The following CSMD1 variants were observed in gnomAD, a reference collection of about 807,000 sequenced individuals.
CSMD1 encodes the protein CUB and Sushi multiple domains 1.
A neutral mutation model predicts 417.5 loss-of-function variants in CSMD1; 213 were observed. The observed-to-expected ratio is 0.51, with a 90% CI of 0.46 to 0.57. The LOEUF (loss-of-function observed/expected upper bound fraction) is 0.57, where lower values mean the gene tolerates loss of function less well. Among genes scored for constraint, CSMD1 ranks in the 20% least tolerant of loss-of-function variants. The pLI is 0.00. For synonymous variants in CSMD1, 2,862 were observed against 1,736.8 expected (o/e 1.65, Z -16.11); for missense variants, 6,923 against 4,529.7 (o/e 1.53, Z -15.17).
intron 42 of CSMD1, among the ~76,000 whole-genome samples, chr8:3,114,666 G>C (rs376469845): frequency 6.6e-6 from 1 of 151,988 alleles, no homozygotes; most frequent in South Asian, 2.1e-4. Flanking sequence ...GACTGTATTT[G>C]TGAATGCAGG....
intron 5 of CSMD1, among the ~76,000 whole-genome samples, chr8:3,767,607 T>A (rs762166450): frequency 3.3e-5 from 5 of 152,234 alleles, no homozygotes; most frequent in Non-Finnish European, 5.9e-5. Context: ...CTCTCAACTA[T>A]GTTTTATATC....
intron 3 of CSMD1, among the ~76,000 whole-genome samples, chr8:4,245,820 G>C (rs1164561526): frequency 6.6e-6 from 1 of 152,068 alleles, no homozygotes; most frequent in African/African-American, 2.4e-5. Context: ...TTATTGACAA[G>C]TGTGCACAAT....
intron 54 of CSMD1, among the ~76,000 whole-genome samples, chr8:2,995,866 G>C (rs983362323): frequency 1.3e-5 from 2 of 152,210 alleles, no homozygotes; most frequent in Non-Finnish European, 2.9e-5. Context: ...CAGAGAAGTG[G>C]AGACCAGGTT....
At chr8:3,625,071 GTT>G (rs11371258) in intron 7 of CSMD1, among the ~76,000 whole-genome samples, 2 of 150,358 alleles carry the variant, frequency 1.3e-5, no homozygotes, top group Non-Finnish European at 3.0e-5. Context: ...ATGCATAACA[GTT>G]TTTTTTTTAT....
chr8:4,387,090 T>C (rs1445119922), intron 3 of CSMD1, among the ~76,000 whole-genome samples: 4 of 152,094 alleles, frequency 2.6e-5, no homozygotes, highest in Non-Finnish European at 5.9e-5. Flanking sequence ...CAAAAGCCAA[T>C]TAATAGAGTT....
intron 2 of CSMD1, among the ~76,000 whole-genome samples, chr8:4,438,841 G>T (rs972966282): frequency 6.6e-6 from 1 of 152,174 alleles, no homozygotes; most frequent in East Asian, 1.9e-4. Context: ...ATTGAAAGGT[G>T]TATTATCTGA....
At chr8:4,048,618 G>A (rs1165594330) in intron 3 of CSMD1, among the ~76,000 whole-genome samples, 1 of 152,166 alleles carries the variant, frequency 6.6e-6, no homozygotes, top group Non-Finnish European at 1.5e-5. Context: ...CACCAAACAG[G>A]TAATTCTTAA....
chr8:3,974,405 TA>T (rs1424589048), intron 5 of CSMD1, among the ~76,000 whole-genome samples: 2 of 152,056 alleles, frequency 1.3e-5, no homozygotes, highest in African/African-American at 2.4e-5. Flanking sequence ...CATGTATTTT[TA>T]TTTTCACTTC....
chr8:3,381,443 C>A (rs1431103222), intron 18 of CSMD1, among the ~76,000 whole-genome samples: 5 of 152,112 alleles, frequency 3.3e-5, no homozygotes, highest in Non-Finnish European at 7.3e-5. Flanking sequence ...TTAACTTATT[C>A]TATTGCAAAT....
chr8:4,427,153 C>G (rs1003906285), intron 2 of CSMD1, among the ~76,000 whole-genome samples: 4 of 152,042 alleles, frequency 2.6e-5, no homozygotes, highest in African/African-American at 9.7e-5. Flanking sequence ...GTGGTGAGGA[C>G]AGAATCTACA....
intron 3 of CSMD1, among the ~76,000 whole-genome samples, chr8:4,331,820 A>G (rs1799884703): frequency 1.3e-5 from 2 of 152,276 alleles, no homozygotes; most frequent in South Asian, 4.1e-4. Flanking sequence ...CTCCAAGCAA[A>G]TAATTATTAC....
chr8:2,994,082 G>A (rs914493374), intron 54 of CSMD1, among the ~76,000 whole-genome samples: 5 of 127,012 alleles, frequency 3.9e-5, no homozygotes, highest in Non-Finnish European at 6.3e-5. Context: ...GGAGGCGGAA[G>A]TTGCAGTGAG....
At chr8:3,416,553 G>T (rs270090) in intron 12 of CSMD1, among the ~76,000 whole-genome samples, 138,224 of 152,232 alleles carry the variant, frequency 0.91, 62,880 homozygotes, top group Middle Eastern at 0.95. Context: ...TAACTGTGCC[G>T]TCAGAAGCAT....
At chr8:4,312,472 T>C (rs1465171681) in intron 3 of CSMD1, among the ~76,000 whole-genome samples, 2 of 149,772 alleles carry the variant, frequency 1.3e-5, no homozygotes, top group Admixed American at 6.7e-5. Context: ...CGCGTATATA[T>C]ATATATACAC....
intron 1 of CSMD1, among the ~76,000 whole-genome samples, chr8:4,709,612 C>A (rs1808165512): frequency 6.6e-6 from 1 of 152,138 alleles, no homozygotes; most frequent in African/African-American, 2.4e-5. Context: ...AGGCAAGAAA[C>A]AAATATAAAA....
At chr8:3,965,426 C>T (rs80003160) in intron 5 of CSMD1, among the ~76,000 whole-genome samples, 5 of 151,990 alleles carry the variant, frequency 3.3e-5, no homozygotes, top group African/African-American at 2.4e-5. Flanking sequence ...TGATGGCCTT[C>T]GGAAAAAGGG....
intron 3 of CSMD1, among the ~76,000 whole-genome samples, chr8:4,338,466 G>C (rs903221987): frequency 9.9e-5 from 15 of 152,084 alleles, no homozygotes; most frequent in African/African-American, 3.1e-4. Context: ...TTTACACCTG[G>C]TTAGGTTCAT....
chr8:3,051,439 A>T (rs1387195108), intron 50 of CSMD1, among the ~76,000 whole-genome samples: 1 of 152,144 alleles, frequency 6.6e-6, no homozygotes, highest in Non-Finnish European at 1.5e-5. Flanking sequence ...ACTGGGGCCT[A>T]TGGGAGGGTG....
chr8:3,157,519 C>T (rs1305699194), intron 39 of CSMD1, among the ~76,000 whole-genome samples: 1 of 152,166 alleles, frequency 6.6e-6, no homozygotes, highest in Non-Finnish European at 1.5e-5. Flanking sequence ...TTCCTGGGAA[C>T]TTGTTTTTTC....
Sources: gnomAD v4.1 joint callset for allele counts (sites outside exome capture counted in the v4.1 genomes callset) on GRCh38, gnomAD v4.1.1 for gene constraint, MANE v1.5 for transcripts, NCBI Gene and HGNC (gene_info 2026-07-23, HGNC 2026-07-21) for gene names.